THEMIS: variants seen among roughly 807,000 people sequenced by gnomAD.
The protein encoded by THEMIS is thymocyte selection associated, also known as protein THEMIS.
In THEMIS, 37 loss-of-function variants were observed where a neutral mutation model predicts 52.6. The ratio of observed to expected loss-of-function variants is 0.70; its 90% CI spans 0.54 to 0.93. The LOEUF is 0.93. Among genes scored for constraint, THEMIS ranks in the 40% least tolerant of loss-of-function variants. The probability of loss-of-function intolerance (pLI) is 0.00; values close to 1 mark genes in which losing one functional copy is unlikely to be tolerated. For missense variants in THEMIS, 808 were observed against 763.1 expected (o/e 1.06, Z -0.69); for synonymous variants, 292 against 272.7 (o/e 1.07, Z -0.70).
At chr6:127,749,613 G>A (rs1054647617) in intron 4 of THEMIS, among the ~76,000 whole-genome samples, 1 of 151,726 alleles carries the variant, frequency 6.6e-6, no homozygotes, top group Non-Finnish European at 1.5e-5. Context: ...CTATGACAGG[G>A]CCAGTGACTT....
chr6:127,791,314 C>A (rs1004244952), intron 4 of THEMIS, among the ~76,000 whole-genome samples: 1 of 152,086 alleles, frequency 6.6e-6, no homozygotes, highest in Admixed American at 6.6e-5. Flanking sequence ...AGAAAGGAGA[C>A]CCACAGTGGG....
chr6:127,702,554 A>C, the THEMIS span, among the ~76,000 whole-genome samples: 1 of 149,660 alleles, frequency 6.7e-6, no homozygotes. Flanking sequence ...TTCTTGCTGC[A>C]TTCTGGGTAA....
At chr6:127,696,767 G>A in the THEMIS span, among the ~76,000 whole-genome samples, 1 of 152,192 alleles carries the variant, frequency 6.6e-6, no homozygotes, top group Non-Finnish European at 1.5e-5. Context: ...TCCATAGATT[G>A]TAGATAGCTT....
At chr6:127,902,341 A>AAAAAT (rs1562331162), upstream of THEMIS, among the ~76,000 whole-genome samples, 1 of 149,408 alleles carries the variant, frequency 6.7e-6, no homozygotes, top group African/African-American at 2.5e-5. Context: ...AAAAAAAAAA[A>AAAAAT]AAAATAAAGA....
At chr6:127,843,232 T>C (rs1211653244) in intron 2 of THEMIS, among the ~76,000 whole-genome samples, 1 of 151,956 alleles carries the variant, frequency 6.6e-6, no homozygotes, top group Non-Finnish European at 1.5e-5. Context: ...AGTAGAAAAA[T>C]TCCTTATTAT....
At chr6:127,885,658 A>G (rs1012078553) in intron 1 of THEMIS, among the ~76,000 whole-genome samples, 1 of 152,140 alleles carries the variant, frequency 6.6e-6, no homozygotes, top group African/African-American at 2.4e-5. Flanking sequence ...TTGCAGGAAC[A>G]AGAAATAGTA....
At chr6:127,864,203 G>A (rs1398093892) in intron 1 of THEMIS, among the ~76,000 whole-genome samples, 2 of 151,748 alleles carry the variant, frequency 1.3e-5, no homozygotes, top group Non-Finnish European at 2.9e-5. Flanking sequence ...AGACCAAGGG[G>A]GGCACAGTGC....
At chr6:127,775,876 T>A (rs1776551091) in intron 4 of THEMIS, among the ~76,000 whole-genome samples, 1 of 152,176 alleles carries the variant, frequency 6.6e-6, no homozygotes, top group African/African-American at 2.4e-5. Flanking sequence ...AAGGGTTTTT[T>A]TAGTGTATTA....
chr6:127,818,918 G>C (rs962584364), intron 3 of THEMIS, among the ~76,000 whole-genome samples: 1 of 151,748 alleles, frequency 6.6e-6, no homozygotes, highest in African/African-American at 2.4e-5. Flanking sequence ...AGGAGATCGA[G>C]ACCATCCTGG....
At chr6:127,833,958 CA>C (rs2114673992) in intron 2 of THEMIS, among the ~76,000 whole-genome samples, 1 of 152,144 alleles carries the variant, frequency 6.6e-6, no homozygotes, top group Admixed American at 6.5e-5. Flanking sequence ...GCAAAAAGTT[CA>C]AAATCCTCAA....
At chr6:127,831,709 A>G (rs1326028309) in intron 2 of THEMIS, among the ~76,000 whole-genome samples, 1 of 152,164 alleles carries the variant, frequency 6.6e-6, no homozygotes, top group African/African-American at 2.4e-5. Context: ...GACTGATGCA[A>G]TCTTGGCAGG....
intron 2 of THEMIS, among the ~76,000 whole-genome samples, chr6:127,854,096 T>C (rs1779520437): frequency 1.3e-5 from 2 of 151,846 alleles, no homozygotes; most frequent in Non-Finnish European, 2.9e-5. Context: ...GTGCCAGAAA[T>C]TGTGCTTGGT....
At chr6:127,878,358 T>G (rs1374575486) in intron 1 of THEMIS, among the ~76,000 whole-genome samples, 1 of 152,164 alleles carries the variant, frequency 6.6e-6, no homozygotes, top group East Asian at 1.9e-4. Context: ...CTAATGAACT[T>G]TTCAGGCAAG....
At chr6:127,915,127 A>G (rs1361114632) in intron 1 of THEMIS, among the ~76,000 whole-genome samples, 1 of 152,208 alleles carries the variant, frequency 6.6e-6, no homozygotes, top group East Asian at 1.9e-4. Flanking sequence ...GAAGAACCAC[A>G]GAAAACACTT....
chr6:127,758,496 A>T (rs1775910878), intron 4 of THEMIS, among the ~76,000 whole-genome samples: 1 of 149,620 alleles, frequency 6.7e-6, no homozygotes, highest in Non-Finnish European at 1.5e-5. Flanking sequence ...CTAATGCCTC[A>T]TAGGTGCCCA....
intron 2 of THEMIS, 78 bp downstream of exon 2, chr6:127,854,952 C>A (rs957550669): frequency 1.7e-5 from 21 of 1,256,716 alleles, no homozygotes; most frequent in East Asian, 2.9e-5. Flanking sequence ...CCATTTTTTT[C>A]TTGTTTTTGG....
chr6:127,755,825 A>G (rs201062093), intron 4 of THEMIS, among the ~76,000 whole-genome samples: 63 of 152,112 alleles, frequency 4.1e-4, no homozygotes, highest in African/African-American at 1.5e-3. Context: ...TCAGGAGTTC[A>G]AGACCAGCCT....
At chr6:127,914,077 A>G (rs1341897083) in intron 1 of THEMIS, among the ~76,000 whole-genome samples, 1 of 152,210 alleles carries the variant, frequency 6.6e-6, no homozygotes, top group Non-Finnish European at 1.5e-5. Context: ...TATGTTTTGT[A>G]GACACCTTAT....
At chr6:127,850,654 A>G (rs1242528138) in intron 2 of THEMIS, among the ~76,000 whole-genome samples, 1 of 151,826 alleles carries the variant, frequency 6.6e-6, no homozygotes, top group African/African-American at 2.4e-5. Flanking sequence ...AAAATATCAT[A>G]TTTTCTCACT....
Sources: gnomAD v4.1 joint callset for allele counts (sites outside exome capture counted in the v4.1 genomes callset) on GRCh38, gnomAD v4.1.1 for gene constraint, MANE v1.5 for transcripts, NCBI Gene and HGNC (gene_info 2026-07-23, HGNC 2026-07-21) for gene names.